Variants in WSB2 observed in about 807,000 individuals in gnomAD.
WSB2 encodes WD repeat and SOCS box-containing protein 2.
In WSB2, 12 loss-of-function variants were observed where a neutral mutation model predicts 48.8. The observed-to-expected ratio is 0.25, with a 90% CI of 0.16 to 0.40. The LOEUF (loss-of-function observed/expected upper bound fraction) is 0.40. Among genes scored for constraint, WSB2 ranks in the 10% least tolerant of loss-of-function variants. The pLI, the probability that WSB2 is intolerant of heterozygous loss-of-function variation, is 1.00. For synonymous variants in WSB2, 191 were observed against 203.1 expected, an observed-to-expected ratio of 0.94 and a Z score of 0.51; for missense variants, 317 against 506.2, an observed-to-expected ratio of 0.63 and a Z score of 3.59.
At chr12:118,056,894 C>A (rs2031967413) in intron 1 of WSB2, among the ~76,000 whole-genome samples, 1 of 152,118 alleles carries the variant, frequency 6.6e-6, no homozygotes, top group Non-Finnish European at 1.5e-5. Context: ...GAGCAAGACT[C>A]TGTCCCCAAA....
rs2031404622 is a variant in WSB2 at position 118,033,055 on chromosome 12, G to A, written c.*1141C>T. The A allele has an allele frequency of 6.6e-6, 1 of 152,086 alleles. No homozygotes were observed. The highest frequency in any genetic ancestry group is 2.1e-4 in the South Asian group (1 of 4,824). 9.4% of individuals were successfully genotyped at this position (152,086 alleles called of 1,614,324 possible). On this transcript the variant is annotated 3_prime_UTR_variant, in exon 9 of 9. Transcript: ENST00000315436. ...GTTACACTGGCCTCCATAAAGCACC[G>A]ATTAAGAAAGCTAAAGAATAAGATG... is the stretch of plus-strand genomic sequence containing the variant.
At chr12:118,061,610 TGA>T (rs1455884431), upstream of WSB2, among the ~76,000 whole-genome samples, 9 of 146,334 alleles carry the variant, frequency 6.2e-5, no homozygotes, top group Non-Finnish European at 1.3e-4. Flanking sequence ...AGAGCCGGGC[TGA>T]GAGAAAAACC....
chr12:118,061,725 A>G (rs1168621885), upstream of WSB2, among the ~76,000 whole-genome samples: 1 of 135,784 alleles, frequency 7.4e-6, no homozygotes, highest in Non-Finnish European at 1.5e-5. Context: ...GGGGAGGGGC[A>G]GGTGAAAATG....
chr12:118,045,555 G>C (rs1593468227), intron 2 of WSB2, among the ~76,000 whole-genome samples: 2 of 151,754 alleles, frequency 1.3e-5, no homozygotes, highest in South Asian at 2.1e-4. Context: ...AAAATTAGCT[G>C]GACGTGGTGG....
intron 1 of WSB2, among the ~76,000 whole-genome samples, chr12:118,055,202 G>A (rs1192886517): frequency 6.6e-6 from 1 of 152,122 alleles, no homozygotes; most frequent in African/African-American, 2.4e-5. Context: ...CTGGGGGCTA[G>A]TTTGCCCCTT....
intron 2 of WSB2, among the ~76,000 whole-genome samples, chr12:118,050,744 A>G (rs989099930): frequency 6.6e-6 from 1 of 152,136 alleles, no homozygotes; most frequent in Non-Finnish European, 1.5e-5. Context: ...TATACAAAGG[A>G]CCAGTAAGCA....
chr12:118,038,986 G>A (rs1314327399), intron 4 of WSB2, among the ~76,000 whole-genome samples: 2 of 152,074 alleles, frequency 1.3e-5, no homozygotes, highest in African/African-American at 2.4e-5. Context: ...CATATCAAAG[G>A]GACCTTTGAT....
intron 2 of WSB2, among the ~76,000 whole-genome samples, chr12:118,051,865 T>C (rs1043537264): frequency 6.6e-6 from 1 of 152,226 alleles, no homozygotes; most frequent in African/African-American, 2.4e-5. Context: ...TCCCAGCTAC[T>C]CAGGAGGCTG....
intron 2 of WSB2, among the ~76,000 whole-genome samples, chr12:118,043,814 T>G (rs1379278039): frequency 1.3e-5 from 2 of 152,030 alleles, no homozygotes; most frequent in African/African-American, 4.8e-5. Flanking sequence ...TTCTTTTTGT[T>G]TCTTTTTAAG....
At position 118,060,672 on chromosome 12, in the gene WSB2, G is replaced by T. The variant is rs2032044179; in HGVS notation, c.13+364C>A. On this transcript the variant is annotated intron_variant, in intron 1 of 8. Coordinates refer to ENST00000315436, the MANE Select transcript of WSB2 (RefSeq NM_018639.5). The surrounding 1 kb of genome is among the most constrained non-coding windows in gnomAD (Gnocchi z 4.1). ...TGCAAGTGCGTCCCCTGGCACCTGG[G>T]TACCCAGGGGCACCCACCCCCTTGG... Among the ~76,000 whole-genome samples the T allele has an allele frequency of 6.6e-6, 1 of 152,068 alleles. No homozygotes were observed. Among genetic ancestry groups the T allele is most frequent in the Non-Finnish European group, 1.5e-5 (1 of 67,988 alleles).
chr12:118,053,308 G>A (rs1014010070), intron 1 of WSB2, among the ~76,000 whole-genome samples: 1 of 151,930 alleles, frequency 6.6e-6, no homozygotes, highest in Non-Finnish European at 1.5e-5. Context: ...ACATGCAAGG[G>A]GCTTATTTAC....
chr12:118,051,676 T>C (rs1337891050), intron 2 of WSB2, among the ~76,000 whole-genome samples: 1 of 152,180 alleles, frequency 6.6e-6, no homozygotes, highest in East Asian at 1.9e-4. Flanking sequence ...TATTCTAAAA[T>C]TGATTATGTG....
chr12:118,034,827 G>A (rs1367091564), intron 8 of WSB2, 159 bp downstream of exon 8: 13 of 668,304 alleles, frequency 1.9e-5, no homozygotes, highest in African/African-American at 1.1e-4. Context: ...ATGGGACACC[G>A]TTATTAGCAA....
rs929819385 is a variant in WSB2 at position 118,060,399 on chromosome 12, C to A, written c.13+637G>T. Among the ~76,000 whole-genome samples, 1 of 152,142 alleles carries A rather than the reference C, an allele frequency of 6.6e-6. No homozygotes were observed. The highest frequency in any genetic ancestry group is 1.5e-5 in the Non-Finnish European group (1 of 68,024). ...GATCATACATGTCACCAGGGATCAG[C>A]GTCTCCAGTCCCGCCCCACCTCCAC... On this transcript the variant is annotated intron_variant, in intron 1 of 8. Coordinates refer to ENST00000315436, the MANE Select transcript of WSB2 (RefSeq NM_018639.5). This position sits in a 1 kb window ranked among gnomAD's most constrained non-coding sequence, Gnocchi z 4.1.
chr12:118,049,719 A>T (rs1036915746), intron 2 of WSB2, among the ~76,000 whole-genome samples: 4 of 152,092 alleles, frequency 2.6e-5, no homozygotes, highest in Admixed American at 2.0e-4. Context: ...AACATTTTTC[A>T]GGTCCTTGAT....
At chr12:118,052,212 C>T (rs542426587) in intron 2 of WSB2, 98 bp downstream of exon 2, 2 of 1,472,622 alleles carry the variant, frequency 1.4e-6, no homozygotes, top group South Asian at 2.7e-5. Context: ...GAACCATGAG[C>T]CACCTTCCCT....
chr12:118,047,208 GTT>G (rs767158297), intron 2 of WSB2, among the ~76,000 whole-genome samples: 1 of 151,946 alleles, frequency 6.6e-6, no homozygotes, highest in Non-Finnish European at 1.5e-5. Flanking sequence ...CATTTTATGG[GTT>G]ATTAACTTTC....
chr12:118,043,128 C>A lies in WSB2; in HGVS notation c.427+5G>T, dbSNP rs757481828. 2 of 1,614,146 alleles carry A rather than the reference C, an allele frequency of 1.2e-6. No homozygotes were observed. The highest frequency in any genetic ancestry group is 1.1e-5 in the South Asian group (1 of 91,086). ...AGAACCTTGTGCCAGCCAGGAATGA[C>A]CTACCTGTCTGCACCTCCCAGATCT... On this transcript the variant is annotated splice_donor_5th_base_variant and intron_variant, in intron 3 of 8. Coordinates refer to ENST00000315436, the MANE Select transcript of WSB2 (RefSeq NM_018639.5).
At chr12:118,047,374 A>C (rs1055499562) in intron 2 of WSB2, among the ~76,000 whole-genome samples, 4 of 152,006 alleles carry the variant, frequency 2.6e-5, no homozygotes, top group African/African-American at 9.7e-5. Flanking sequence ...ATGAGGCAAG[A>C]CAGATTCATT....
Sources: allele counts gnomAD v4.1 joint callset (sites outside exome capture counted in the v4.1 genomes callset), GRCh38; gene constraint gnomAD v4.1.1; non-coding constraint Gnocchi (gnomAD v3.1); transcripts MANE v1.5; gene names NCBI Gene and HGNC (gene_info 2026-07-23, HGNC 2026-07-21).